DIAPH3: variants seen among roughly 807,000 people sequenced by gnomAD.
The protein encoded by DIAPH3 is diaphanous related formin 3.
A neutral mutation model predicts 144.3 loss-of-function variants in DIAPH3; 117 were observed. The ratio of observed to expected loss-of-function variants is 0.81; its 90% confidence interval spans 0.70 to 0.95. DIAPH3 has a LOEUF of 0.95. DIAPH3 is among the 40% of genes least tolerant of loss of function. The pLI, the probability that DIAPH3 is intolerant of heterozygous loss-of-function variation, is 0.00. For missense variants in DIAPH3, 1,421 were observed against 1,412.7 expected (o/e 1.01, Z -0.09); for synonymous variants, 519 against 488.9 (o/e 1.06, Z -0.81).
At chr13:59,702,143 T>C (rs774268743) in intron 27 of DIAPH3, among the ~76,000 whole-genome samples, 2 of 152,212 alleles carry the variant, frequency 1.3e-5, no homozygotes, top group African/African-American at 4.8e-5. Flanking sequence ...ATCTTGGCCA[T>C]AGTAATTGTA....
At chr13:60,082,732 G>A (rs2137817376) in intron 4 of DIAPH3, among the ~76,000 whole-genome samples, 1 of 152,092 alleles carries the variant, frequency 6.6e-6, no homozygotes, top group African/African-American at 2.4e-5. Flanking sequence ...TACTAAAGAA[G>A]AAACTTCAGA....
chr13:59,981,511 CAA>C (rs1199990424), intron 13 of DIAPH3, among the ~76,000 whole-genome samples: 2 of 91,152 alleles, frequency 2.2e-5, no homozygotes, highest in Non-Finnish European at 2.4e-5. Flanking sequence ...TGATGTTAGA[CAA>C]AAAAAAAAAA....
chr13:59,729,142 TG>T (rs750953905), intron 27 of DIAPH3, among the ~76,000 whole-genome samples: 9 of 152,124 alleles, frequency 5.9e-5, no homozygotes, highest in Non-Finnish European at 1.2e-4. Flanking sequence ...GGTGTGAAAA[TG>T]TCCACCAATG....
intron 20 of DIAPH3, among the ~76,000 whole-genome samples, chr13:59,900,689 TG>T (rs758478856): frequency 1.6e-4 from 25 of 152,310 alleles, no homozygotes; most frequent in Non-Finnish European, 2.9e-4. Flanking sequence ...ACTCCCTCAG[TG>T]ATTTCATCCA....
At chr13:59,969,438 G>T (rs913894863) in intron 17 of DIAPH3, among the ~76,000 whole-genome samples, 1 of 152,050 alleles carries the variant, frequency 6.6e-6, no homozygotes, top group African/African-American at 2.4e-5. Flanking sequence ...AGAACATGCA[G>T]GTTTGTTACA....
chr13:60,136,904 C>T (rs1446409035), intron 1 of DIAPH3, among the ~76,000 whole-genome samples: 4 of 151,838 alleles, frequency 2.6e-5, no homozygotes, highest in African/African-American at 7.3e-5. Context: ...TGTGCCACTG[C>T]ACTCCAGCCT....
At chr13:59,899,164 C>T (rs544042423) in intron 20 of DIAPH3, among the ~76,000 whole-genome samples, 11 of 152,090 alleles carry the variant, frequency 7.2e-5, no homozygotes, top group Non-Finnish European at 1.6e-4. Context: ...TCCCTACTTT[C>T]GAGGCTTTGG....
intron 18 of DIAPH3, among the ~76,000 whole-genome samples, chr13:59,917,889 CAAAAAAAAAAAA>C (rs60792156): frequency 1.6e-4 from 3 of 18,642 alleles, no homozygotes; most frequent in African/African-American, 1.6e-4. Flanking sequence ...GACTCTGTCT[CAAAAAAAAAAAA>C]AAAAAAAAAA....
chr13:59,851,860 C>T (rs1295047002), intron 22 of DIAPH3, among the ~76,000 whole-genome samples: 1 of 152,034 alleles, frequency 6.6e-6, no homozygotes, highest in East Asian at 1.9e-4. Context: ...CCTCATGATC[C>T]GCACGCCTCG....
chr13:59,882,524 A>G (rs1284932176), intron 20 of DIAPH3, among the ~76,000 whole-genome samples: 1 of 152,192 alleles, frequency 6.6e-6, no homozygotes, highest in Admixed American at 6.5e-5. Context: ...CTCATATTCT[A>G]TCAACACTGG....
intron 25 of DIAPH3, among the ~76,000 whole-genome samples, chr13:59,775,457 C>T (rs531578625): frequency 4.7e-4 from 71 of 152,152 alleles, no homozygotes; most frequent in Admixed American, 3.3e-3. Flanking sequence ...TTAGCCAGAA[C>T]GGTCTCCATC....
chr13:59,896,407 T>G (rs1166866458), intron 20 of DIAPH3, among the ~76,000 whole-genome samples: 1 of 152,156 alleles, frequency 6.6e-6, no homozygotes, highest in African/African-American at 2.4e-5. Flanking sequence ...CCATCATCTT[T>G]TGAGTATCAC....
chr13:59,834,066 A>G (rs1168307241), intron 23 of DIAPH3, among the ~76,000 whole-genome samples: 2 of 151,762 alleles, frequency 1.3e-5, no homozygotes, highest in Admixed American at 1.3e-4. Context: ...GCACACACAT[A>G]TAGAAACGTT....
intron 4 of DIAPH3, among the ~76,000 whole-genome samples, chr13:60,073,062 G>A (rs147863268): frequency 6.6e-6 from 1 of 152,162 alleles, no homozygotes; most frequent in African/African-American, 2.4e-5. Context: ...TAATCCCAAC[G>A]CTTTGGGAGG....
At chr13:59,841,867 C>T (rs1313819984) in intron 22 of DIAPH3, among the ~76,000 whole-genome samples, 1 of 151,978 alleles carries the variant, frequency 6.6e-6, no homozygotes, top group Non-Finnish European at 1.5e-5. Context: ...ATTATTATTC[C>T]TATTTTACAG....
chr13:59,781,572 A>C (rs548503256), intron 25 of DIAPH3, among the ~76,000 whole-genome samples: 2 of 152,344 alleles, frequency 1.3e-5, no homozygotes, highest in South Asian at 4.1e-4. Flanking sequence ...GAAACTGGGC[A>C]GTGGGACAGA....
intron 9 of DIAPH3, among the ~76,000 whole-genome samples, chr13:60,005,480 CT>C (rs1394862919): frequency 3.3e-5 from 5 of 152,016 alleles, no homozygotes; most frequent in African/African-American, 9.6e-5. Flanking sequence ...TTGAATCACA[CT>C]TTTTTTCTTT....
intron 2 of DIAPH3, among the ~76,000 whole-genome samples, chr13:60,131,498 C>T (rs2059140570): frequency 7.1e-6 from 1 of 141,720 alleles, no homozygotes; most frequent in Non-Finnish European, 1.5e-5. Context: ...TGTGGATGAA[C>T]CTTGAACACA....
intron 27 of DIAPH3, among the ~76,000 whole-genome samples, chr13:59,748,388 C>A (rs1343315779): frequency 6.6e-6 from 1 of 152,160 alleles, no homozygotes; most frequent in Non-Finnish European, 1.5e-5. Flanking sequence ...AACACAAATA[C>A]TCTCTGCCAA....
Sources: gnomAD v4.1 joint callset for allele counts (sites outside exome capture counted in the v4.1 genomes callset) on GRCh38, gnomAD v4.1.1 for gene constraint, MANE v1.5 for transcripts, NCBI Gene and HGNC (gene_info 2026-07-23, HGNC 2026-07-21) for gene names.